AATF: variants seen among roughly 807,000 people sequenced by gnomAD.
The protein encoded by AATF is apoptosis antagonizing transcription factor.
Under a neutral mutation model 63.7 loss-of-function variants are expected in AATF, and 48 were observed. The ratio of observed to expected loss-of-function variants is 0.75; its 90% CI spans 0.60 to 0.96. The LOEUF is 0.96. Among genes scored for constraint, AATF ranks in the 40% least tolerant of loss-of-function variants. AATF has a pLI of 0.00. For synonymous variants in AATF, 258 were observed against 247.7 expected (o/e 1.04, Z -0.39); for missense variants, 639 against 685.7 (o/e 0.93, Z 0.76).
chr17:36,969,055 AT>A (rs1213930460), intron 4 of AATF, among the ~76,000 whole-genome samples: 1 of 150,672 alleles, frequency 6.6e-6, no homozygotes, highest in African/African-American at 2.5e-5. Context: ...ATTTTTGGTG[AT>A]CCTCTGCGGT....
chr17:37,048,363 C>CTTTTT (rs60374815), intron 11 of AATF, among the ~76,000 whole-genome samples: 329 of 70,744 alleles, frequency 4.7e-3, no homozygotes, highest in Non-Finnish European at 6.7e-3. Flanking sequence ...TTTTTCTTTT[C>CTTTTT]TTTTTTTTTT....
chr17:36,974,127 C>T (rs2142228873), intron 4 of AATF, among the ~76,000 whole-genome samples: 1 of 151,034 alleles, frequency 6.6e-6, no homozygotes, highest in East Asian at 1.9e-4. Flanking sequence ...AATATTTCTT[C>T]CCTAATCCTA....
chr17:36,976,514 A>G (rs1396777865), intron 4 of AATF, among the ~76,000 whole-genome samples: 1 of 152,190 alleles, frequency 6.6e-6, no homozygotes, highest in East Asian at 1.9e-4. Context: ...ACAGTACTAT[A>G]CATACAGCTA....
Position 36,953,144 on chromosome 17 carries a change from A to G in AATF, c.542A>G (p.Glu181Gly). The part of the protein sequence containing the change: ...EEEEDEESGM[E>G]EGDDAEDSQG... The stretch of plus-strand genomic sequence containing the variant: ...GAGGAAGACGAAGAGAGTGGCATGG[A>G]AGAAGGGGATGACGCGGAAGACTCC... Residue 181 changes from glutamate to glycine, a missense_variant, in exon 3 of 12, where the codon GAA becomes GGA. Transcript: ENST00000619387. 2.5e-6 allele frequency: 4 copies of G among 1,614,126 alleles called. No homozygotes were observed. Among genetic ancestry groups the G allele is most frequent in the Non-Finnish European group, 3.4e-6 (4 of 1,180,018 alleles).
At chr17:37,000,133 CAG>C (rs1427781759) in intron 8 of AATF, 1 of 152,436 alleles carries the variant, frequency 6.6e-6, no homozygotes, top group Admixed American at 6.5e-5. Flanking sequence ...AGGTGGCAGA[CAG>C]GGGACCAGTT....
intron 8 of AATF, among the ~76,000 whole-genome samples, chr17:36,994,675 CTGTT>C (rs757844715): frequency 3.9e-5 from 6 of 152,328 alleles, no homozygotes; most frequent in Admixed American, 1.3e-4. Flanking sequence ...TTTTCAGTGT[CTGTT>C]TGTTATGTCA....
intron 11 of AATF, among the ~76,000 whole-genome samples, chr17:37,036,483 G>A (rs2071593167): frequency 6.6e-6 from 1 of 151,996 alleles, no homozygotes. Flanking sequence ...AAGGATAGTG[G>A]CATCTTCATT....
intron 4 of AATF, among the ~76,000 whole-genome samples, chr17:36,958,200 T>C (rs1182329040): frequency 6.6e-6 from 1 of 152,088 alleles, no homozygotes; most frequent in East Asian, 1.9e-4. Flanking sequence ...TCTCTCTCTG[T>C]CACCCAGGCT....
At chr17:37,053,267 A>C (rs1269819681) in intron 11 of AATF, among the ~76,000 whole-genome samples, 2 of 152,014 alleles carry the variant, frequency 1.3e-5, no homozygotes, top group Non-Finnish European at 2.9e-5. Context: ...TGAATACTAA[A>C]TTTTCACTAA....
intron 4 of AATF, among the ~76,000 whole-genome samples, chr17:36,981,702 C>CTTTTTTTTTTT (rs71368433): frequency 1.2e-4 from 13 of 110,478 alleles, no homozygotes; most frequent in African/African-American, 4.2e-4. Flanking sequence ...TCTTTCTTTT[C>CTTTTTTTTTTT]TTTTTTTTTT....
At chr17:36,995,141 G>T (rs1321316968) in intron 8 of AATF, among the ~76,000 whole-genome samples, 1 of 152,172 alleles carries the variant, frequency 6.6e-6, no homozygotes, top group Non-Finnish European at 1.5e-5. Context: ...GTTTAGTTTT[G>T]ATCTGGTTTG....
chr17:36,964,163 T>A (rs997762299), intron 4 of AATF, among the ~76,000 whole-genome samples: 4 of 143,764 alleles, frequency 2.8e-5, no homozygotes, highest in African/African-American at 1.1e-4. Context: ...AAAAGAGGGG[T>A]GTTTTGCTTT....
At chr17:36,961,350 A>G (rs911486669) in intron 4 of AATF, among the ~76,000 whole-genome samples, 4 of 152,224 alleles carry the variant, frequency 2.6e-5, no homozygotes, top group African/African-American at 7.2e-5. Flanking sequence ...TGCAAGCCAC[A>G]TGTAATTTAA....
intron 4 of AATF, among the ~76,000 whole-genome samples, chr17:36,957,954 A>G (rs6607358): frequency 0.22 from 33,729 of 151,912 alleles, 10,200 homozygotes; most frequent in African/African-American, 0.69. Context: ...CTCTCCACAC[A>G]CCACCCCAAA....
At chr17:36,950,456 G>A (rs761100274) in intron 2 of AATF, 51 bp downstream of exon 2, 1 of 1,547,170 alleles carries the variant, frequency 6.5e-7, no homozygotes, top group Non-Finnish European at 8.9e-7. Context: ...TTTTTTCAGG[G>A]TTAAAATCCT....
At chr17:36,991,939 A>G (rs1333310401) in intron 8 of AATF, among the ~76,000 whole-genome samples, 5 of 152,132 alleles carry the variant, frequency 3.3e-5, no homozygotes, top group Non-Finnish European at 5.9e-5. Flanking sequence ...TTTCTAGCTT[A>G]GTGGAGAATA....
At chr17:36,973,844 G>A (rs1369210795) in intron 4 of AATF, among the ~76,000 whole-genome samples, 1 of 152,222 alleles carries the variant, frequency 6.6e-6, no homozygotes, top group Admixed American at 6.5e-5. Context: ...GCCGAGGCAG[G>A]TGGATCACTA....
At chr17:37,049,620 A>G (rs1360568031) in intron 11 of AATF, among the ~76,000 whole-genome samples, 1 of 151,846 alleles carries the variant, frequency 6.6e-6, no homozygotes, top group Non-Finnish European at 1.5e-5. Flanking sequence ...AAAAAAAAAA[A>G]AGGGAAAGCT....
intron 10 of AATF, among the ~76,000 whole-genome samples, chr17:37,030,385 A>C (rs148096442): frequency 0.012 from 1,769 of 152,342 alleles, 18 homozygotes; most frequent in Non-Finnish European, 0.02. Context: ...TATTAAATAC[A>C]TGAAAATACC....
Sources: allele counts gnomAD v4.1 joint callset (sites outside exome capture counted in the v4.1 genomes callset), GRCh38; gene constraint gnomAD v4.1.1; transcripts MANE v1.5; gene names NCBI Gene and HGNC (gene_info 2026-07-23, HGNC 2026-07-21).